The following OSBPL1A variants were observed in gnomAD, a reference collection of about 807,000 sequenced individuals.
OSBPL1A encodes oxysterol binding protein like 1A, also known as oxysterol-binding protein-related protein 1.
A neutral mutation model predicts 137.1 loss-of-function variants in OSBPL1A; 80 were observed. That is an observed-to-expected ratio of 0.58 (90% confidence interval 0.49 to 0.70). The LOEUF is 0.70. Among genes scored for constraint, OSBPL1A ranks in the 30% least tolerant of loss-of-function variants. The pLI, the probability that OSBPL1A is intolerant of heterozygous loss-of-function variation, is 0.00. For missense variants in OSBPL1A, 970 were observed against 1,129.4 expected, an observed-to-expected ratio of 0.86 and a Z score of 2.02; for synonymous variants, 365 against 389.7, an observed-to-expected ratio of 0.94 and a Z score of 0.75.
chr18:24,315,134 G>A (rs2090695289), intron 11 of OSBPL1A, among the ~76,000 whole-genome samples: 1 of 152,186 alleles, frequency 6.6e-6, no homozygotes, highest in South Asian at 2.1e-4. Context: ...TGGAGGAAAG[G>A]GGCCAAGGAG....
intron 15 of OSBPL1A, among the ~76,000 whole-genome samples, chr18:24,262,682 A>G (rs2146043821): frequency 6.8e-6 from 1 of 147,800 alleles, no homozygotes; most frequent in African/African-American, 2.6e-5. Flanking sequence ...CACCACCATC[A>G]AGATACAGGA....
chr18:24,252,836 G>GA, intron 15 of OSBPL1A, among the ~76,000 whole-genome samples: 1 of 151,768 alleles, frequency 6.6e-6, no homozygotes. Flanking sequence ...ATGAAGTAAA[G>GA]TGTAGAGTTT....
rs960887336 is a variant in OSBPL1A at position 24,288,588 on chromosome 18, T to G, written c.1175-7640A>C. Among the ~76,000 whole-genome samples the G allele has an allele frequency of 2.6e-5, 4 of 151,744 alleles. No homozygotes were observed. The South Asian group carries it at 8.3e-4, about 32-fold the overall frequency. On this transcript the variant is annotated intron_variant, in intron 14 of 27. Transcript: ENST00000319481. ...TTCGAGACTAGCCTGGCCAACATGG[T>G]GAAACCCTGTCTCTACTAAAAATAC...
chr18:24,257,175 A>G (rs2588554), intron 15 of OSBPL1A, among the ~76,000 whole-genome samples: 4 of 152,174 alleles, frequency 2.6e-5, no homozygotes, highest in Non-Finnish European at 4.4e-5. Context: ...AGCCAAAAGT[A>G]TCCTGAGCAA....
At chr18:24,175,988 G>A (rs1034211920) in intron 21 of OSBPL1A, among the ~76,000 whole-genome samples, 5 of 152,126 alleles carry the variant, frequency 3.3e-5, no homozygotes, top group East Asian at 1.9e-4. Context: ...CTTCCCCGTC[G>A]CATTAATCTA....
At chr18:24,203,808 C>A (rs938348054) in intron 17 of OSBPL1A, among the ~76,000 whole-genome samples, 7 of 152,280 alleles carry the variant, frequency 4.6e-5, no homozygotes, top group Admixed American at 1.3e-4. Context: ...TAATTATACA[C>A]ACTTCTCTAT....
intron 14 of OSBPL1A, among the ~76,000 whole-genome samples, chr18:24,296,326 G>A (rs8092299): frequency 0.072 from 10,903 of 152,098 alleles, 1,273 homozygotes; most frequent in African/African-American, 0.24. Context: ...CTGTACAGCT[G>A]TGCTACTGAT....
At chr18:24,371,322 C>A (rs1423370178) in intron 2 of OSBPL1A, among the ~76,000 whole-genome samples, 1 of 152,192 alleles carries the variant, frequency 6.6e-6, no homozygotes, top group Non-Finnish European at 1.5e-5. Flanking sequence ...TCACTAGTCT[C>A]CTCAAGCCTT....
intron 1 of OSBPL1A, among the ~76,000 whole-genome samples, chr18:24,385,794 C>T (rs114762205): frequency 0.011 from 1,714 of 152,244 alleles, 35 homozygotes; most frequent in African/African-American, 0.039. Context: ...GGAGACTGCA[C>T]CAGACTCCTT....
In OSBPL1A at chr18:24,172,026, C is replaced by T. The variant is rs9954824; in HGVS notation, c.2201+350G>A. ...CGCTATCTCGGCTCACTGCAACCTC[C>T]GCCTCCTGGGTTCAAGCAATTCTCC... On this transcript the variant is annotated intron_variant, in intron 22 of 27. Transcript: ENST00000319481. Among the ~76,000 whole-genome samples, 127 of 151,784 alleles carry T rather than the reference C, an allele frequency of 8.4e-4. 1 individual carries two copies. Among genetic ancestry groups the T allele is most frequent in the African/African-American group, 2.8e-3 (117 of 41,360 alleles).
At chr18:24,295,719 T>C (rs918274236) in intron 14 of OSBPL1A, among the ~76,000 whole-genome samples, 2 of 152,184 alleles carry the variant, frequency 1.3e-5, no homozygotes, top group African/African-American at 4.8e-5. Context: ...CCCCAATTTA[T>C]GTTTTTTTCA....
chr18:24,163,085 TTAA>T lies in OSBPL1A; in HGVS notation c.*91_*93del. On this transcript the variant is annotated 3_prime_UTR_variant, in exon 28 of 28. Transcript: ENST00000319481. ...CATGAGTGTTTTTTCATTTTTTTTT[TTAA>T]AAGATAAGTAGAAACCAAGGGAAAA... 1.1e-6 allele frequency: 1 copy of T among 898,734 alleles called. No homozygotes were observed. The highest frequency in any genetic ancestry group is 1.7e-6 in the Non-Finnish European group (1 of 605,738). 55.7% of individuals were successfully genotyped at this position (898,734 alleles called of 1,614,324 possible).
intron 21 of OSBPL1A, among the ~76,000 whole-genome samples, chr18:24,174,330 A>G (rs539915037): frequency 6.6e-6 from 1 of 152,314 alleles, no homozygotes; most frequent in East Asian, 1.9e-4. Flanking sequence ...TGGCTCTACC[A>G]TTTTACATTC....
chr18:24,334,742 A>G (rs1307191175), intron 5 of OSBPL1A, among the ~76,000 whole-genome samples: 1 of 152,202 alleles, frequency 6.6e-6, no homozygotes, highest in Non-Finnish European at 1.5e-5. Flanking sequence ...AGACATACCA[A>G]TTTATTTATA....
chr18:24,215,341 A>C (rs1421998952), intron 17 of OSBPL1A, among the ~76,000 whole-genome samples: 1 of 152,236 alleles, frequency 6.6e-6, no homozygotes, highest in Admixed American at 6.5e-5. Flanking sequence ...AACATGATAC[A>C]ACAGCAGGTC....
rs182662125 is a variant in OSBPL1A, at chr18:24,178,717, A to T, written c.1911-522T>A. Reference sequence around the variant, plus strand: ...GAACAAATTAAAACAAAGAACACCCAGATGAATTTGAATGATTTGCATGAA... The same window carrying T: ...GAACAAATTAAAACAAAGAACACCCTGATGAATTTGAATGATTTGCATGAA... On this transcript the variant is annotated intron_variant, in intron 20 of 27. Coordinates refer to ENST00000319481, the MANE Select transcript of OSBPL1A (RefSeq NM_080597.4). 4.0e-3 allele frequency among the ~76,000 whole-genome samples: 608 copies of T among 152,372 alleles called. 2 individuals are homozygous for T. Among genetic ancestry groups the T allele is most frequent in the African/African-American group, 0.013 (525 of 41,578 alleles).
At chr18:24,327,344 C>T (rs925066981) in intron 7 of OSBPL1A, among the ~76,000 whole-genome samples, 2 of 151,976 alleles carry the variant, frequency 1.3e-5, no homozygotes, top group Non-Finnish European at 2.9e-5. Context: ...GTGATCCACC[C>T]GCCATGGCCT....
intron 17 of OSBPL1A, among the ~76,000 whole-genome samples, chr18:24,211,396 CTG>C (rs2087540204): frequency 6.6e-6 from 1 of 152,184 alleles, no homozygotes; most frequent in African/African-American, 2.4e-5. Context: ...ATTCTCATAA[CTG>C]TTTATGCATT....
In OSBPL1A at chr18:24,303,188, A is replaced by G. The variant is rs145003599; in HGVS notation, c.1174+449T>C. Among the ~76,000 whole-genome samples the G allele has an allele frequency of 7.6e-3, 1,157 of 152,222 alleles. 6 individuals carry two copies. The highest frequency in any genetic ancestry group is 9.0e-3 in the Non-Finnish European group (613 of 68,020). On this transcript the variant is annotated intron_variant, in intron 14 of 27. Transcript: ENST00000319481. ...GCTGATTTTTGTACTTTTAGTAGAG[A>G]CAGGGTTTCACCATGTTGGCAAGGC... is the stretch of plus-strand genomic sequence containing the variant.
Sources: allele counts gnomAD v4.1 joint callset (sites outside exome capture counted in the v4.1 genomes callset), GRCh38; gene constraint gnomAD v4.1.1; transcripts MANE v1.5; gene names NCBI Gene and HGNC (gene_info 2026-07-23, HGNC 2026-07-21).